Variants in CUX2 observed in about 807,000 individuals in gnomAD.
CUX2 encodes the protein homeobox protein cut-like 2.
Under a neutral mutation model 144.8 loss-of-function variants are expected in CUX2, and 40 were observed. The ratio of observed to expected loss-of-function variants is 0.28; its 90% CI spans 0.21 to 0.36. CUX2 has a LOEUF of 0.36. Among genes scored for constraint, CUX2 ranks in the 10% least tolerant of loss-of-function variants. The probability of loss-of-function intolerance (pLI) is 1.00; values close to 1 mark genes in which losing one functional copy is unlikely to be tolerated. For synonymous variants in CUX2, 827 were observed against 875.6 expected, an observed-to-expected ratio of 0.94 and a Z score of 0.98; for missense variants, 1,615 against 1,994.0, an observed-to-expected ratio of 0.81 and a Z score of 3.62.
chr12:111,169,584 C>G (rs1346177440), intron 1 of CUX2, among the ~76,000 whole-genome samples: 2 of 152,172 alleles, frequency 1.3e-5, no homozygotes, highest in Non-Finnish European at 2.9e-5. Flanking sequence ...GGAGGGCTGG[C>G]TCTCTCCCTG....
intron 1 of CUX2, among the ~76,000 whole-genome samples, chr12:111,036,179 A>G (rs968159066): frequency 2.6e-5 from 4 of 152,218 alleles, no homozygotes; most frequent in Admixed American, 6.5e-5. Flanking sequence ...GCAGGGTCCT[A>G]TTGTTATTCT....
At chr12:111,283,231 C>A (rs540244545) in intron 4 of CUX2, among the ~76,000 whole-genome samples, 71 of 149,460 alleles carry the variant, frequency 4.8e-4, no homozygotes, top group African/African-American at 1.8e-3. Context: ...AAAAAAAAAA[C>A]CTATCCCCAA....
At position 111,274,756 on chromosome 12, in the gene CUX2, T is replaced by C. The variant is rs528151392; in HGVS notation, c.301+10917T>C. Reference sequence around the variant, plus strand: ...CAGGCGCCCGGAGCCTGGGCCCAGATGGGAGAAGGCTTCTGTCTCGAAGAT... The same window carrying C: ...CAGGCGCCCGGAGCCTGGGCCCAGACGGGAGAAGGCTTCTGTCTCGAAGAT... On this transcript the variant is annotated intron_variant, in intron 4 of 21. Transcript: ENST00000261726. Among the ~76,000 whole-genome samples, 17 of 152,306 alleles carry C rather than the reference T, an allele frequency of 1.1e-4. No homozygotes were observed. In the East Asian group the frequency reaches 3.3e-3, roughly 29 times the overall value.
Position 111,287,936 on chromosome 12 carries a change from G to A in CUX2, c.302-3482G>A, listed in dbSNP as rs1885476242. Among the ~76,000 whole-genome samples the A allele has an allele frequency of 6.6e-6, 1 of 152,244 alleles. No homozygotes were observed. Among genetic ancestry groups the A allele is most frequent in the Admixed American group, 6.5e-5 (1 of 15,282 alleles). On this transcript the variant is annotated intron_variant, in intron 4 of 21. Transcript: ENST00000261726. The surrounding 1 kb of genome is among the most constrained non-coding windows in gnomAD (Gnocchi z 4.2). Reference sequence around the variant, plus strand: ...TAGGTAGAAGAATTCCAGCAGGGTAGGGGTGGAAGGGAGTGCAAAAACATG... The same window carrying A: ...TAGGTAGAAGAATTCCAGCAGGGTAAGGGTGGAAGGGAGTGCAAAAACATG...
chr12:111,268,044 A>T (rs1884466329), intron 4 of CUX2, among the ~76,000 whole-genome samples: 1 of 151,862 alleles, frequency 6.6e-6, no homozygotes. Flanking sequence ...TGATCCTCCC[A>T]CCTCTGCCTC....
intron 21 of CUX2, among the ~76,000 whole-genome samples, chr12:111,345,514 C>T (rs1188896628): frequency 2.0e-5 from 3 of 150,300 alleles, no homozygotes; most frequent in African/African-American, 4.9e-5. Flanking sequence ...GAGGCCAAGG[C>T]GGGTGGGTCA....
intron 1 of CUX2, among the ~76,000 whole-genome samples, chr12:111,196,697 C>T (rs996293386): frequency 6.6e-6 from 1 of 152,146 alleles, no homozygotes; most frequent in Non-Finnish European, 1.5e-5. Context: ...AGCCACTACC[C>T]GTTGTGGTTA....
At chr12:111,162,456 A>G (rs1207574947) in intron 1 of CUX2, among the ~76,000 whole-genome samples, 2 of 152,178 alleles carry the variant, frequency 1.3e-5, no homozygotes, top group Admixed American at 1.3e-4. Flanking sequence ...TTGCAGCTGT[A>G]TTGAAGCCCC....
At chr12:111,306,037 C>T (rs577947754) in intron 10 of CUX2, among the ~76,000 whole-genome samples, 43 of 152,172 alleles carry the variant, frequency 2.8e-4, no homozygotes, top group African/African-American at 9.6e-4. Context: ...AGAGAGTGAA[C>T]ACAGGAGAGA....
rs1198113973 is a variant in CUX2, at chr12:111,328,972, T to TCTCTCTCTCTCTCC, written c.2927-5466_2927-5465insTCTCTCTCTCCCTC. Among the ~76,000 whole-genome samples, 433 of 80,012 alleles carry TCTCTCTCTCTCTCC rather than the reference T, an allele frequency of 5.4e-3. 4 individuals carry two copies. The highest frequency in any genetic ancestry group is 7.9e-3 in the Non-Finnish European group (377 of 47,454). The allele number at this position is 80,012 out of a possible 152,430, so 52.5% of individuals were successfully genotyped here. The stretch of plus-strand genomic sequence containing the variant: ...CTCTCTCTCTCTCTCTCTCTCTCTC[T>TCTCTCTCTCTCTCC]CTCCCCCTCTCTCCCTCTCTCCCTC... On this transcript the variant is annotated intron_variant, in intron 18 of 21. Coordinates refer to ENST00000261726, the MANE Select transcript of CUX2 (RefSeq NM_015267.4).
chr12:111,295,497 C>A lies in CUX2; in HGVS notation c.637+88C>A. 1 of 1,148,796 alleles carries A rather than the reference C, an allele frequency of 8.7e-7. No homozygotes were observed. The highest frequency in any genetic ancestry group is 1.2e-6 in the Non-Finnish European group (1 of 811,098). The allele number at this position is 1,148,796 out of a possible 1,614,324, so 71.2% of individuals were successfully genotyped here. On this transcript the variant is annotated intron_variant, in intron 7 of 21. Transcript: ENST00000261726. This position sits in a 1 kb window ranked among gnomAD's most constrained non-coding sequence, Gnocchi z 5.0. ...AGGGGTCACGGCTTGGGGTCTGCCA[C>A]ATCCAGGTGTTTTAGAATCAAGAGG...
At chr12:111,095,601 C>T (rs1872770927) in intron 1 of CUX2, among the ~76,000 whole-genome samples, 1 of 152,132 alleles carries the variant, frequency 6.6e-6, no homozygotes, top group Non-Finnish European at 1.5e-5. Context: ...AATGACTTCA[C>T]CATTTTAAGT....
At chr12:111,223,736 C>G (rs1021085121) in intron 3 of CUX2, among the ~76,000 whole-genome samples, 24 of 152,340 alleles carry the variant, frequency 1.6e-4, no homozygotes, top group African/African-American at 5.8e-4. Flanking sequence ...GTCAAGCCGT[C>G]AGATGACTGC....
chr12:111,159,189 C>T (rs1877586822), intron 1 of CUX2, among the ~76,000 whole-genome samples: 1 of 152,322 alleles, frequency 6.6e-6, no homozygotes, highest in Non-Finnish European at 1.5e-5. Flanking sequence ...CTCTGTTACC[C>T]AGGCTGGAAT....
chr12:111,327,210 C>T (rs1332914710), intron 18 of CUX2, among the ~76,000 whole-genome samples: 4 of 152,278 alleles, frequency 2.6e-5, no homozygotes, highest in East Asian at 1.9e-4. Flanking sequence ...TTTCAGTTAA[C>T]GTGTTTTCAA....
intron 4 of CUX2, among the ~76,000 whole-genome samples, chr12:111,269,474 A>C (rs2136299009): frequency 6.6e-6 from 1 of 152,184 alleles, no homozygotes; most frequent in Admixed American, 6.5e-5. Context: ...GACCCTACAA[A>C]CACAGACATG....
chr12:111,214,568 C>T (rs115489032), intron 2 of CUX2, among the ~76,000 whole-genome samples: 90 of 152,264 alleles, frequency 5.9e-4, no homozygotes, highest in African/African-American at 2.2e-3. Context: ...CCATTTTCCC[C>T]CAACATTCAT....
intron 3 of CUX2, among the ~76,000 whole-genome samples, chr12:111,231,823 A>G (rs1453274689): frequency 6.6e-6 from 1 of 152,176 alleles, no homozygotes; most frequent in Admixed American, 6.5e-5. Context: ...AGTATACAGG[A>G]GGGGCCAGGT....
At chr12:111,328,612 GT>G (rs1887931269) in intron 18 of CUX2, among the ~76,000 whole-genome samples, 1 of 151,562 alleles carries the variant, frequency 6.6e-6, no homozygotes, top group African/African-American at 2.4e-5. Context: ...GTGTGTGTGT[GT>G]GTGTGTGACA....
Sources: gnomAD v4.1 joint callset for allele counts (sites outside exome capture counted in the v4.1 genomes callset) on GRCh38, gnomAD v4.1.1 for gene constraint, Gnocchi (gnomAD v3.1) non-coding constraint, MANE v1.5 for transcripts, NCBI Gene and HGNC (gene_info 2026-07-23, HGNC 2026-07-21) for gene names.